TMEM121B: variants seen among roughly 807,000 people sequenced by gnomAD.
The protein encoded by TMEM121B is transmembrane protein 121B.
TMEM121B carries 14 observed loss-of-function variants against 25.1 expected under a neutral mutation model. The observed-to-expected ratio is 0.56, with a 90% CI of 0.37 to 0.87. The LOEUF (loss-of-function observed/expected upper bound fraction) is 0.87, where lower values mean the gene tolerates loss of function less well. Among genes scored for constraint, TMEM121B ranks in the 40% least tolerant of loss-of-function variants. The pLI is 0.00. For missense variants in TMEM121B, 850 were observed against 854.6 expected (o/e 0.99, Z 0.07); for synonymous variants, 458 against 420.9 (o/e 1.09, Z -1.08).
Position 17,119,859 on chromosome 22 carries a change from G to A in TMEM121B, c.1269C>T (p.His423=), listed in dbSNP as rs1365853760. 8.9e-6 allele frequency: 14 copies of A among 1,580,534 alleles called. No individual in the cohort carries two copies. Among genetic ancestry groups the A allele is most frequent in the Middle Eastern group, 3.3e-4 (2 of 6,064 alleles). Residue 423 remains histidine, a synonymous_variant, in exon 1 of 1, where the codon CAC becomes CAT. Coordinates refer to ENST00000331437, the MANE Select transcript of TMEM121B (RefSeq NM_031890.4). The part of the protein sequence containing the change: ...MLEGRVPLPA[H]LRYLLIAVYF... Reference sequence around the variant, plus strand: ...AGACGGCGATAAGCAGGTAGCGCAGGTGCGCGGGCAGCGGCACGCGGCCCT... The same window carrying A: ...AGACGGCGATAAGCAGGTAGCGCAGATGCGCGGGCAGCGGCACGCGGCCCT...
At position 17,119,568 on chromosome 22, in the gene TMEM121B, G is replaced by A; in HGVS notation, c.1560C>T (p.Asp520=). The A allele has an allele frequency of 6.4e-7, 1 of 1,551,244 alleles. No individual in the cohort carries two copies. The highest frequency in any genetic ancestry group is 1.2e-5 in the South Asian group (1 of 84,598). ...GACTCGGGGAGGCCCGATTGCCCCG[G>A]TCCCAGCAGCCCTCCAGGGCCTCCA... is the stretch of plus-strand genomic sequence containing the variant. ...RGLEALEGCW[D]RGNRASPSRA... The change falls in exon 1 of 1, where the codon GAC becomes GAT. Residue 520 remains aspartate (D), a synonymous_variant. Transcript: ENST00000331437.
In TMEM121B at chr22:17,120,097, C is replaced by G; in HGVS notation, c.1031G>C (p.Arg344Pro). 6.2e-7 allele frequency: 1 copy of G among 1,611,716 alleles called. No individual in the cohort carries two copies. Among genetic ancestry groups the G allele is most frequent in the South Asian group, 1.1e-5 (1 of 91,080 alleles). The stretch of plus-strand genomic sequence containing the variant: ...GAAGCCCGTGGTGCCGAAGGGCGCG[C>G]GTAGCTCGATGAGGTCTAGGATGGA... ...GTSILDLIELRAPFGTTGFRL... is the reference protein window; with the variant it reads ...GTSILDLIELPAPFGTTGFRL... The change falls in exon 1 of 1, where the codon CGC (arginine) becomes CCC (proline). Residue 344 changes from arginine (R) to proline (P), a missense_variant. By Grantham distance (103) the Arg-to-Pro change is moderately radical. Coordinates refer to ENST00000331437, the MANE Select transcript of TMEM121B (RefSeq NM_031890.4).
Position 17,120,099 on chromosome 22 carries a change from T to C in TMEM121B, c.1029A>G (p.Leu343=). 6.2e-7 allele frequency: 1 copy of C among 1,611,716 alleles called. No individual in the cohort carries two copies. The highest frequency in any genetic ancestry group is 1.1e-5 in the South Asian group (1 of 91,082). ...AGCCCGTGGTGCCGAAGGGCGCGCG[T>C]AGCTCGATGAGGTCTAGGATGGACG... ...LGTSILDLIE[L]RAPFGTTGFR... The change falls in exon 1 of 1, where the codon CTA becomes CTG. Residue 343 remains leucine, a synonymous_variant. Coordinates refer to ENST00000331437, the MANE Select transcript of TMEM121B (RefSeq NM_031890.4).
In TMEM121B at chr22:17,120,685, C is replaced by T. The variant is rs2061494828; in HGVS notation, c.443G>A (p.Gly148Asp). ...GCCCCCCGCCGAGCGGCTCCCGGGG[C>T]CCCCGACGGCCCCGGCCGCGGCGCC... ...GGGAAAGAVG[G>D]PGSRSAGGAG... The change falls in exon 1 of 1, where the codon GGC becomes GAC. Residue 148 changes from glycine to aspartate, a missense_variant. Gly to Asp is a moderately conservative substitution (Grantham distance 94, BLOSUM62 -1). Transcript: ENST00000331437. The T allele has an allele frequency of 1.7e-6, 2 of 1,182,880 alleles. No homozygotes were observed. The highest frequency in any genetic ancestry group is 4.2e-5 in the South Asian group (1 of 23,918). 73.3% of individuals were successfully genotyped at this position (1,182,880 alleles called of 1,614,324 possible). A position where few individuals can be genotyped will look rare whatever the true frequency, so the allele number is the denominator to read the frequency against.
In TMEM121B at chr22:17,120,240, G is replaced by A; in HGVS notation, c.888C>T (p.Gly296=). Residue 296 remains glycine, a synonymous_variant, in exon 1 of 1, where the codon GGC becomes GGT. Coordinates refer to ENST00000331437, the MANE Select transcript of TMEM121B (RefSeq NM_031890.4). The part of the protein sequence containing the change: ...AKARGARGGA[G]GAGGGLGAAA... Reference sequence around the variant, plus strand: ...CCGCCCCCAGGCCGCCCCCCGCGCCGCCGGCGCCCCCGCGGGCTCCGCGTG... The same window carrying A: ...CCGCCCCCAGGCCGCCCCCCGCGCCACCGGCGCCCCCGCGGGCTCCGCGTG... The A allele has an allele frequency of 1.6e-6, 2 of 1,255,680 alleles. 1 individual carries two copies. The highest frequency in any genetic ancestry group is 7.2e-5 in the South Asian group (2 of 27,680). The allele number at this position is 1,255,680 out of a possible 1,614,324, so 77.8% of individuals were successfully genotyped here. A position where few individuals can be genotyped will look rare whatever the true frequency, so the allele number is the denominator to read the frequency against.
chr22:17,121,135 C>G lies in TMEM121B; in HGVS notation c.-8G>C, dbSNP rs1312935888. The G allele has an allele frequency of 7.5e-7, 1 of 1,337,928 alleles. No individual in the cohort carries two copies. The highest frequency in any genetic ancestry group is 9.6e-7 in the Non-Finnish European group (1 of 1,043,016). The allele number at this position is 1,337,928 out of a possible 1,614,324, so 82.9% of individuals were successfully genotyped here. A position where few individuals can be genotyped will look rare whatever the true frequency, so the allele number is the denominator to read the frequency against. ...GCCGAGCGCCGGGCGCATTGTCCTC[C>G]GAGGGGCTCTGGGGCCGCCCAGCTG... On this transcript the variant is annotated 5_prime_UTR_variant, in exon 1 of 1. Transcript: ENST00000331437.
Position 17,119,984 on chromosome 22 carries a change from G to A in TMEM121B, c.1144C>T (p.Pro382Ser), listed in dbSNP as rs377076603. 108 of 1,592,848 alleles carry A rather than the reference G, an allele frequency of 6.8e-5. No individual in the cohort carries two copies. The highest frequency in any genetic ancestry group is 8.9e-5 in the Non-Finnish European group (105 of 1,174,288). ...TGCCGCTGGGGCTGCAGCAGCAGGGGTCCTGCCGATCCCGGGGGCGCGCCC... is the reference window on the plus strand; with the variant it reads ...TGCCGCTGGGGCTGCAGCAGCAGGGATCCTGCCGATCCCGGGGGCGCGCCC... Reference protein sequence around the residue: ...EAGAPPGSAGPLLLQPQRHRA... With the variant: ...EAGAPPGSAGSLLLQPQRHRA... The change falls in exon 1 of 1, where the codon CCC (proline) becomes TCC (serine). Residue 382 changes from proline (P) to serine (S), a missense_variant. Transcript: ENST00000331437.
rs1601361388 is a variant in TMEM121B at position 17,121,021 on chromosome 22, G to A, written c.107C>T (p.Ser36Phe). ...RLQPLFLRGG[S>F]FRGRRGSGDS... is the part of the protein sequence containing the mutation. The stretch of plus-strand genomic sequence containing the variant: ...GCCGGAGCCTCTCCGGCCGCGGAAG[G>A]AGCCCCCGCGGAGGAAGAGGGGCTG... Residue 36 changes from serine to phenylalanine, a missense_variant, in exon 1 of 1, where the codon TCC becomes TTC. Ser to Phe is a radical substitution (Grantham distance 155). Coordinates refer to ENST00000331437, the MANE Select transcript of TMEM121B (RefSeq NM_031890.4). 1 of 1,469,876 alleles carries A rather than the reference G, an allele frequency of 6.8e-7. No homozygotes were observed. The highest frequency in any genetic ancestry group is 2.9e-5 in the East Asian group (1 of 34,020). The allele number at this position is 1,469,876 out of a possible 1,614,324, so 91.1% of individuals were successfully genotyped here.
chr22:17,119,172 A>G lies in TMEM121B; in HGVS notation c.*219T>C. ...GGTCAGGATTGGGGTAGGATAGGAGAAGAGAGGAGAGGGTAAGTGCACCTA... is the reference window on the plus strand; with the variant it reads ...GGTCAGGATTGGGGTAGGATAGGAGGAGAGAGGAGAGGGTAAGTGCACCTA... On this transcript the variant is annotated 3_prime_UTR_variant, in exon 1 of 1. Transcript: ENST00000331437. The G allele has an allele frequency of 1.7e-6, 1 of 581,696 alleles. No homozygotes were observed. Among genetic ancestry groups the G allele is most frequent in the Non-Finnish European group, 2.9e-6 (1 of 343,268 alleles). The allele number at this position is 581,696 out of a possible 1,614,324, so 36.0% of individuals were successfully genotyped here.
At position 17,119,526 on chromosome 22, in the gene TMEM121B, G is replaced by A. The variant is rs1199816027; in HGVS notation, c.1602C>T (p.Tyr534=). The part of the protein sequence containing the change: ...RASPSRARGG[Y]GAPPSAPPPP... ...GTGGAGGGGCGGAGGGCGGAGCACCGTAGCCCCCTCTGGCCCGACTCGGGG... is the reference window on the plus strand; with the variant it reads ...GTGGAGGGGCGGAGGGCGGAGCACCATAGCCCCCTCTGGCCCGACTCGGGG... The change falls in exon 1 of 1, where the codon TAC becomes TAT. Residue 534 remains tyrosine (Y), a synonymous_variant. Coordinates refer to ENST00000331437, the MANE Select transcript of TMEM121B (RefSeq NM_031890.4). 1.3e-6 allele frequency: 2 copies of A among 1,564,284 alleles called. No individual in the cohort carries two copies. Among genetic ancestry groups the A allele is most frequent in the Non-Finnish European group, 1.7e-6 (2 of 1,155,736 alleles).
At position 17,119,952 on chromosome 22, in the gene TMEM121B, C is replaced by A; in HGVS notation, c.1176G>T (p.Ala392=). The part of the protein sequence containing the change: ...PLLLQPQRHR[A]AGCFLGTCLD... ...AGCACGTGCCCAGGAAGCATCCGGC[C>A]GCGCGGTGCCGCTGGGGCTGCAGCA... The change falls in exon 1 of 1, where the codon GCG becomes GCT. Residue 392 remains alanine (A), a synonymous_variant. Transcript: ENST00000331437. The A allele has an allele frequency of 5.1e-6, 8 of 1,575,298 alleles. No homozygotes were observed. The highest frequency in any genetic ancestry group is 6.9e-6 in the Non-Finnish European group (8 of 1,166,116).
In TMEM121B at chr22:17,121,124, G is replaced by T. The variant is rs1158227282; in HGVS notation, c.4C>A (p.Arg2Ser). The change falls in exon 1 of 1, where the codon CGC (arginine) becomes AGC (serine). Residue 2 changes from arginine (R) to serine (S), a missense_variant. Arg to Ser is a moderately radical substitution (Grantham distance 110). Coordinates refer to ENST00000331437, the MANE Select transcript of TMEM121B (RefSeq NM_031890.4). M[R>S]PALGHPRSVS... ...GAGCGAGGGTGGCCGAGCGCCGGGC[G>T]CATTGTCCTCCGAGGGGCTCTGGGG... 7.3e-7 allele frequency: 1 copy of T among 1,372,050 alleles called. No homozygotes were observed. The highest frequency in any genetic ancestry group is 9.4e-7 in the Non-Finnish European group (1 of 1,061,586). The allele number at this position is 1,372,050 out of a possible 1,614,324, so 85.0% of individuals were successfully genotyped here.
chr22:17,121,031 G>A lies in TMEM121B; in HGVS notation c.97C>T (p.Arg33Cys), dbSNP rs1031124100. 2.3e-5 allele frequency: 34 copies of A among 1,468,136 alleles called. No individual in the cohort carries two copies. Among genetic ancestry groups the A allele is most frequent in the Non-Finnish European group, 2.7e-5 (30 of 1,111,994 alleles). 90.9% of individuals were successfully genotyped at this position (1,468,136 alleles called of 1,614,324 possible). The change falls in exon 1 of 1, where the codon CGC (arginine) becomes TGC (cysteine). Residue 33 changes from arginine to cysteine, a missense_variant. Coordinates refer to ENST00000331437, the MANE Select transcript of TMEM121B (RefSeq NM_031890.4). ...AAARLQPLFLRGGSFRGRRGS... is the reference protein window; with the variant it reads ...AAARLQPLFLCGGSFRGRRGS... ...CTCCGGCCGCGGAAGGAGCCCCCGCGGAGGAAGAGGGGCTGCAGCCGGGCG... is the reference window on the plus strand; with the variant it reads ...CTCCGGCCGCGGAAGGAGCCCCCGCAGAGGAAGAGGGGCTGCAGCCGGGCG...
Position 17,119,939 on chromosome 22 carries a change from G to A in TMEM121B, c.1189C>T (p.Leu397=). The change falls in exon 1 of 1, where the codon CTG becomes TTG. Residue 397 remains leucine, a synonymous_variant. Transcript: ENST00000331437. ...TCGAGCAGGTCCAAGCACGTGCCCA[G>A]GAAGCATCCGGCCGCGCGGTGCCGC... is the stretch of plus-strand genomic sequence containing the variant. ...PQRHRAAGCF[L]GTCLDLLDSF... The A allele has an allele frequency of 1.9e-6, 3 of 1,572,366 alleles. No homozygotes were observed. The highest frequency in any genetic ancestry group is 1.3e-5 in the African/African-American group (1 of 74,524).
In TMEM121B at chr22:17,120,499, G is replaced by C; in HGVS notation, c.629C>G (p.Ala210Gly). ...YQALSVVLLL[A>G]QGGLLDLYLI... is the part of the protein sequence containing the mutation. ...GTACAGGTCCAGCAGGCCGCCCTGC[G>C]CCAGCAGCAGCACCACGGACAGCGC... is the stretch of plus-strand genomic sequence containing the variant. The change falls in exon 1 of 1, where the codon GCG becomes GGG. Residue 210 changes from alanine (A) to glycine (G), a missense_variant. Transcript: ENST00000331437. 1 of 1,580,986 alleles carries C rather than the reference G, an allele frequency of 6.3e-7. No homozygotes were observed. Among genetic ancestry groups the C allele is most frequent in the Non-Finnish European group, 8.6e-7 (1 of 1,168,498 alleles).
chr22:17,120,943 C>G lies in TMEM121B; in HGVS notation c.185G>C (p.Gly62Ala). 1 of 1,413,616 alleles carries G rather than the reference C, an allele frequency of 7.1e-7. No individual in the cohort carries two copies. The highest frequency in any genetic ancestry group is 9.2e-7 in the Non-Finnish European group (1 of 1,085,684). The allele number at this position is 1,413,616 out of a possible 1,614,324, so 87.6% of individuals were successfully genotyped here. Residue 62 changes from glycine to alanine, a missense_variant, in exon 1 of 1, where the codon GGC becomes GCC. By Grantham distance (60) the Gly-to-Ala change is moderately conservative. Coordinates refer to ENST00000331437, the MANE Select transcript of TMEM121B (RefSeq NM_031890.4). Reference sequence around the variant, plus strand: ...GCTGCTCGGGGAGCCGCCGCCCCCGCCGCGTCTGCCGCCGCCTCCCCCGCG... The same window carrying G: ...GCTGCTCGGGGAGCCGCCGCCCCCGGCGCGTCTGCCGCCGCCTCCCCCGCG... The part of the protein sequence containing the change: ...TSRGGGGGRR[G>A]GGGGSPSSST...
Position 17,119,769 on chromosome 22 carries a change from A to G in TMEM121B, c.1359T>C (p.Ala453=), listed in dbSNP as rs1266695115. ...LYELNAAAAA[A]ASWGQASGPG... Reference sequence around the variant, plus strand: ...GCCCGGAGGCCTGGCCCCAGGATGCAGCCGCTGCGGCCGCGGCGTTGAGCT... The same window carrying G: ...GCCCGGAGGCCTGGCCCCAGGATGCGGCCGCTGCGGCCGCGGCGTTGAGCT... Residue 453 remains alanine (A), a synonymous_variant, in exon 1 of 1, where the codon GCT becomes GCC. Transcript: ENST00000331437. The G allele has an allele frequency of 6.4e-7, 1 of 1,567,076 alleles. No individual in the cohort carries two copies. Among genetic ancestry groups the G allele is most frequent in the Non-Finnish European group, 8.6e-7 (1 of 1,164,486 alleles).
rs1264829533 is a variant in TMEM121B at position 17,116,587 on chromosome 22, G to A, written c.*2804C>T. On this transcript the variant is annotated 3_prime_UTR_variant, in exon 1 of 1. Transcript: ENST00000331437. The stretch of plus-strand genomic sequence containing the variant: ...AGGAGCAGGCGGTTCTCGAGATTCT[G>A]AGCCCAGGATCCTTTTCTGTGAACC... The A allele has an allele frequency of 6.6e-6, 1 of 152,222 alleles. No individual in the cohort carries two copies. The highest frequency in any genetic ancestry group is 1.5e-5 in the Non-Finnish European group (1 of 68,046). The allele number at this position is 152,222 out of a possible 1,614,324, so 9.4% of individuals were successfully genotyped here. A position where few individuals can be genotyped will look rare whatever the true frequency, so the allele number is the denominator to read the frequency against.
rs2061478585 is a variant in TMEM121B, at chr22:17,118,201, C to T, written c.*1190G>A. ...GAAGAGGGAAAGTTCTGCAGCCTGCCTTGGCCCTAGTGAGACTCTTAACCA... is the reference window on the plus strand; with the variant it reads ...GAAGAGGGAAAGTTCTGCAGCCTGCTTTGGCCCTAGTGAGACTCTTAACCA... On this transcript the variant is annotated 3_prime_UTR_variant, in exon 1 of 1. Coordinates refer to ENST00000331437, the MANE Select transcript of TMEM121B (RefSeq NM_031890.4). The T allele has an allele frequency of 6.6e-6, 1 of 152,254 alleles. No individual in the cohort carries two copies. Among genetic ancestry groups the T allele is most frequent in the African/African-American group, 2.4e-5 (1 of 41,448 alleles). The allele number at this position is 152,254 out of a possible 1,614,324, so 9.4% of individuals were successfully genotyped here.
Sources: allele counts gnomAD v4.1 joint callset, GRCh38; gene constraint gnomAD v4.1.1; transcripts MANE v1.5; gene names NCBI Gene and HGNC (gene_info 2026-07-23, HGNC 2026-07-21).